The following ADGRV1 variants were observed in gnomAD, a reference collection of about 807,000 sequenced individuals.
ADGRV1 encodes adhesion G protein-coupled receptor V1, also known as G-protein coupled receptor 98.
Under a neutral mutation model 596.2 loss-of-function variants are expected in ADGRV1, and 359 were observed. That is an observed-to-expected ratio of 0.60 (90% CI 0.55 to 0.66). The LOEUF (loss-of-function observed/expected upper bound fraction) is 0.66, where lower values mean the gene tolerates loss of function less well. Among genes scored for constraint, ADGRV1 ranks in the 30% least tolerant of loss-of-function variants. ADGRV1 has a pLI of 0.00. For synonymous variants in ADGRV1, 2,681 were observed against 2,679.2 expected (o/e 1.00, Z -0.02); for missense variants, 7,274 against 7,575.6 (o/e 0.96, Z 1.48).
chr5:90,687,344 G>A (rs1389690877), intron 29 of ADGRV1, among the ~76,000 whole-genome samples: 1 of 152,042 alleles, frequency 6.6e-6, no homozygotes, highest in South Asian at 2.1e-4. Flanking sequence ...TATGGTTTTA[G>A]GTCTAACGTT....
intron 83 of ADGRV1, among the ~76,000 whole-genome samples, chr5:90,908,327 T>TA (rs983255801): frequency 6.6e-6 from 1 of 152,272 alleles, no homozygotes; most frequent in African/African-American, 2.4e-5. Flanking sequence ...CACATCGGGG[T>TA]AAATGGGGTA....
At chr5:90,996,780 C>T (rs1781454403) in intron 85 of ADGRV1, among the ~76,000 whole-genome samples, 1 of 152,186 alleles carries the variant, frequency 6.6e-6, no homozygotes, top group African/African-American at 2.4e-5. Context: ...TCAGAGCTGA[C>T]CAAGGCCTTG....
In ADGRV1 at chr5:90,684,340, G is replaced by T. The variant is rs528780101; in HGVS notation, c.6274+145G>T. The T allele has an allele frequency of 2.9e-4, 220 of 753,452 alleles. 1 individual carries two copies. Among genetic ancestry groups the T allele is most frequent in the Middle Eastern group, 1.2e-3 (3 of 2,532 alleles). 46.7% of individuals were successfully genotyped at this position (753,452 alleles called of 1,614,324 possible). ...TCCTCTTACAACAGTTTACCTGTAA[G>T]GTAACTGGAAGCCAGACACATTTTT... is the stretch of plus-strand genomic sequence containing the variant. On this transcript the variant is annotated intron_variant, in intron 28 of 89. Coordinates refer to ENST00000405460, the MANE Select transcript of ADGRV1 (RefSeq NM_032119.4).
At chr5:90,922,580 C>T (rs1359922097) in intron 83 of ADGRV1, among the ~76,000 whole-genome samples, 1 of 152,166 alleles carries the variant, frequency 6.6e-6, no homozygotes, top group African/African-American at 2.4e-5. Flanking sequence ...ACAGTGGTCA[C>T]CTCCTATCAG....
intron 1 of ADGRV1, among the ~76,000 whole-genome samples, chr5:90,566,346 A>G (rs1247874032): frequency 6.6e-6 from 1 of 152,132 alleles, no homozygotes; most frequent in Non-Finnish European, 1.5e-5. Context: ...TTAATATGAT[A>G]TAAGCTTCCT....
intron 86 of ADGRV1, among the ~76,000 whole-genome samples, chr5:91,093,302 A>G (rs1463869719): frequency 1.3e-5 from 2 of 152,190 alleles, no homozygotes; most frequent in Non-Finnish European, 2.9e-5. Flanking sequence ...TCCATGGATC[A>G]TATCTTAAAC....
intron 75 of ADGRV1, among the ~76,000 whole-genome samples, chr5:90,816,216 A>G (rs1165191188): frequency 1.3e-5 from 2 of 152,150 alleles, no homozygotes; most frequent in East Asian, 1.9e-4. Flanking sequence ...CTATTTTACA[A>G]TAGCAACCAT....
At chr5:90,764,091 G>A (rs1756817423) in intron 59 of ADGRV1, among the ~76,000 whole-genome samples, 1 of 152,144 alleles carries the variant, frequency 6.6e-6, no homozygotes. Context: ...AGTGATAAGG[G>A]GGTGTACCAA....
chr5:91,019,925 T>C (rs2151182629), intron 85 of ADGRV1, among the ~76,000 whole-genome samples: 1 of 152,160 alleles, frequency 6.6e-6, no homozygotes. Context: ...CCCCCAGGTC[T>C]CATGCTTTCT....
At chr5:90,989,838 C>T (rs547011386) in intron 85 of ADGRV1, among the ~76,000 whole-genome samples, 56 of 152,006 alleles carry the variant, frequency 3.7e-4, no homozygotes, top group African/African-American at 1.0e-3. Context: ...TTTTTTGAGA[C>T]GGAATTTCAC....
chr5:90,766,152 G>A (rs983798131), intron 59 of ADGRV1, among the ~76,000 whole-genome samples: 14 of 152,078 alleles, frequency 9.2e-5, no homozygotes, highest in East Asian at 5.8e-4. Context: ...CTCATGATCC[G>A]CCCGCCTTGG....
At position 90,683,786 on chromosome 5, in the gene ADGRV1, C is replaced by T. The variant is rs1470899473; in HGVS notation, c.5865C>T (p.Ser1955=). ...KAFSVSVLSV[S]SGSLGAHINA... ...TCTCTGTGTCAGTCCTCAGTGTTTC[C>T]AGTGGTTCTTTGGGAGCTCATATTA... Residue 1955 remains serine (S), a synonymous_variant, in exon 28 of 90, where the codon TCC becomes TCT. Transcript: ENST00000405460. 1.9e-6 allele frequency: 3 copies of T among 1,613,724 alleles called. No homozygotes were observed. Among genetic ancestry groups the T allele is most frequent in the Non-Finnish European group, 1.7e-6 (2 of 1,179,864 alleles).
intron 85 of ADGRV1, among the ~76,000 whole-genome samples, chr5:90,987,603 A>G (rs1187257103): frequency 2.0e-5 from 3 of 152,036 alleles, no homozygotes; most frequent in Non-Finnish European, 4.4e-5. Flanking sequence ...TAAAAATTCT[A>G]TATCTTACTT....
Position 90,802,945 on chromosome 5 carries a change from C to T in ADGRV1, c.14661+63C>T, listed in dbSNP as rs559205549. On this transcript the variant is annotated intron_variant, in intron 71 of 89. Coordinates refer to ENST00000405460, the MANE Select transcript of ADGRV1 (RefSeq NM_032119.4). ...TAGAGGGCAGCTTTTACAGGAAGGA[C>T]GGAGACTCTTAGAGCTAGAATTTCT... 1.0e-5 allele frequency: 14 copies of T among 1,392,180 alleles called. No individual in the cohort carries two copies. In the East Asian group the frequency reaches 1.3e-4, roughly 13 times the overall value. 86.2% of individuals were successfully genotyped at this position (1,392,180 alleles called of 1,614,324 possible). A position where few individuals can be genotyped will look rare whatever the true frequency, so the allele number is the denominator to read the frequency against.
At chr5:91,116,582 C>T (rs1003270098) in intron 87 of ADGRV1, among the ~76,000 whole-genome samples, 14 of 152,142 alleles carry the variant, frequency 9.2e-5, no homozygotes, top group East Asian at 1.9e-4. Context: ...TCTGATTATT[C>T]GGTCTCTTCA....
At chr5:90,967,371 CCT>C (rs1227404325) in intron 84 of ADGRV1, among the ~76,000 whole-genome samples, 11 of 152,122 alleles carry the variant, frequency 7.2e-5, no homozygotes, top group Middle Eastern at 6.8e-3. Context: ...TTCAAGCTCC[CCT>C]CTCAAAAAAA....
chr5:90,976,319 T>TGG (rs1779593735), intron 84 of ADGRV1, among the ~76,000 whole-genome samples: 1 of 112,810 alleles, frequency 8.9e-6, no homozygotes, highest in African/African-American at 3.6e-5. Context: ...TGTGTGTGTG[T>TGG]GTGTATATAT....
chr5:90,853,614 AT>A, intron 80 of ADGRV1, 81 bp downstream of exon 80: 1 of 1,387,936 alleles, frequency 7.2e-7, no homozygotes, highest in Non-Finnish European at 9.8e-7. Context: ...CATTTGTTTG[AT>A]CACAGTTTTG....
chr5:90,571,949 G>A (rs998980327), intron 1 of ADGRV1, among the ~76,000 whole-genome samples: 3 of 152,132 alleles, frequency 2.0e-5, no homozygotes, highest in Non-Finnish European at 2.9e-5. Context: ...AGTTCTGCAA[G>A]CATTGATTCT....
Sources: allele counts gnomAD v4.1 joint callset (sites outside exome capture counted in the v4.1 genomes callset), GRCh38; gene constraint gnomAD v4.1.1; transcripts MANE v1.5; gene names NCBI Gene and HGNC (gene_info 2026-07-23, HGNC 2026-07-21).